The following TLN2 variants were observed in gnomAD, a reference collection of about 807,000 sequenced individuals.
The protein encoded by TLN2 is talin 2.
A neutral mutation model predicts 294.7 loss-of-function variants in TLN2; 118 were observed. That is an observed-to-expected ratio of 0.40 (90% CI 0.34 to 0.47). The LOEUF is 0.47. TLN2 is among the 20% of genes least tolerant of loss of function. TLN2 has a pLI of 0.84. For synonymous variants in TLN2, 1,431 were observed against 1,304.5 expected, an observed-to-expected ratio of 1.10 and a Z score of -2.09; for missense variants, 3,083 against 3,282.2, an observed-to-expected ratio of 0.94 and a Z score of 1.48.
intron 43 of TLN2, among the ~76,000 whole-genome samples, chr15:62,778,068 A>C (rs2063844284): frequency 6.6e-6 from 1 of 152,240 alleles, no homozygotes. Context: ...TTAATTGCTA[A>C]TTTAGAGAAG....
At chr15:62,497,759 T>G (rs1204292287) in intron 1 of TLN2, among the ~76,000 whole-genome samples, 1 of 152,160 alleles carries the variant, frequency 6.6e-6, no homozygotes, top group Non-Finnish European at 1.5e-5. Context: ...GAAGATACAT[T>G]TATAGCTCTA....
At chr15:62,790,304 G>A (rs6494361) in intron 45 of TLN2, among the ~76,000 whole-genome samples, 125,298 of 152,158 alleles carry the variant, frequency 0.82, 52,348 homozygotes, top group Non-Finnish European at 0.9. Context: ...TCCGTTTGAC[G>A]TATTGAGATC....
intron 37 of TLN2, among the ~76,000 whole-genome samples, chr15:62,759,390 T>A (rs908081136): frequency 6.6e-6 from 1 of 152,238 alleles, no homozygotes; most frequent in Non-Finnish European, 1.5e-5. Context: ...ATGGGCTATA[T>A]GTTAATATGA....
intron 22 of TLN2, among the ~76,000 whole-genome samples, chr15:62,714,089 A>C (rs1382980879): frequency 6.6e-6 from 1 of 151,692 alleles, no homozygotes; most frequent in East Asian, 1.9e-4. Context: ...CTGTAGGGTA[A>C]ATCTAGTCCG....
At chr15:62,797,836 C>T (rs544378898) in intron 48 of TLN2, among the ~76,000 whole-genome samples, 1 of 152,282 alleles carries the variant, frequency 6.6e-6, no homozygotes, top group Admixed American at 6.5e-5. Context: ...TGAGCCTGCC[C>T]AGGCACGGGG....
intron 11 of TLN2, among the ~76,000 whole-genome samples, chr15:62,685,412 A>G (rs1487890334): frequency 2.0e-5 from 3 of 152,180 alleles, no homozygotes; most frequent in Non-Finnish European, 4.4e-5. Flanking sequence ...GGTGGTTTCT[A>G]GCTTTTCACT....
intron 5 of TLN2, among the ~76,000 whole-genome samples, chr15:62,651,357 A>T (rs571380160): frequency 1.3e-5 from 2 of 152,266 alleles, no homozygotes; most frequent in South Asian, 4.1e-4. Context: ...TTAGCACTGG[A>T]GAAAAAATTG....
chr15:62,719,104 G>A (rs982664639), intron 24 of TLN2, among the ~76,000 whole-genome samples: 1 of 152,198 alleles, frequency 6.6e-6, no homozygotes, highest in South Asian at 2.1e-4. Context: ...AGAAGGAGGT[G>A]CGGGCACAGA....
intron 1 of TLN2, among the ~76,000 whole-genome samples, chr15:62,586,705 A>G (rs182780628): frequency 1.6e-4 from 24 of 152,354 alleles, no homozygotes; most frequent in African/African-American, 5.3e-4. Context: ...TATAATGGAA[A>G]GTATTTTAAC....
At chr15:62,394,651 T>C (rs886855673) in intron 1 of TLN2, among the ~76,000 whole-genome samples, 2 of 152,196 alleles carry the variant, frequency 1.3e-5, no homozygotes, top group Non-Finnish European at 2.9e-5. Flanking sequence ...CTCTGTCAAA[T>C]TTCCCCTGCA....
At chr15:62,616,919 G>A (rs1216790266) in intron 2 of TLN2, among the ~76,000 whole-genome samples, 2 of 152,302 alleles carry the variant, frequency 1.3e-5, no homozygotes, top group Non-Finnish European at 2.9e-5. Context: ...GTTCCTGCCT[G>A]TGACTGGTGT....
intron 1 of TLN2, among the ~76,000 whole-genome samples, chr15:62,561,106 G>T (rs965642435): frequency 6.6e-6 from 1 of 152,238 alleles, no homozygotes; most frequent in African/African-American, 2.4e-5. Flanking sequence ...CAGGTTTCTG[G>T]CAGGGCTGTG....
chr15:62,695,856 T>C (rs974368869), intron 14 of TLN2, among the ~76,000 whole-genome samples: 21 of 152,242 alleles, frequency 1.4e-4, no homozygotes, highest in African/African-American at 4.8e-4. Context: ...CAGAGGACTC[T>C]GCTGTGCTTT....
At position 62,717,684 on chromosome 15, in the gene TLN2, T is replaced by G; in HGVS notation, c.2872T>G (p.Cys958Gly). Residue 958 changes from cysteine (C) to glycine (G), a missense_variant, in exon 24 of 59, where the codon TGC (cysteine) becomes GGC (glycine). Cys to Gly is a radical substitution (Grantham distance 159). Transcript: ENST00000636159. ...GGCCCAGCAGCAGCTGGTCCAGAGTTGCAAGGTGAGGTTCCAGTGCACAGA... is the reference window on the plus strand; with the variant it reads ...GGCCCAGCAGCAGCTGGTCCAGAGTGGCAAGGTGAGGTTCCAGTGCACAGA... ...PAAQQQLVQS[C>G]KAVADHIPQL... is the part of the protein sequence containing the mutation. 1 of 1,580,020 alleles carries G rather than the reference T, an allele frequency of 6.3e-7. No individual in the cohort carries two copies. Among genetic ancestry groups the G allele is most frequent in the Non-Finnish European group, 8.6e-7 (1 of 1,166,178 alleles).
chr15:62,827,498 G>C (rs1337340864), intron 54 of TLN2, among the ~76,000 whole-genome samples: 1 of 152,158 alleles, frequency 6.6e-6, no homozygotes, highest in Non-Finnish European at 1.5e-5. Flanking sequence ...CCTGGAGAAA[G>C]GGCAGCGAAG....
At chr15:62,667,471 C>T (rs944286856) in intron 9 of TLN2, among the ~76,000 whole-genome samples, 3 of 152,138 alleles carry the variant, frequency 2.0e-5, no homozygotes, top group Admixed American at 6.5e-5. Context: ...CCCCTCTGTT[C>T]CTCTACCCTG....
At chr15:62,545,360 G>C (rs2041932870) in intron 1 of TLN2, among the ~76,000 whole-genome samples, 1 of 152,158 alleles carries the variant, frequency 6.6e-6, no homozygotes, top group Non-Finnish European at 1.5e-5. Context: ...AACACAAAAA[G>C]TCCACATTTG....
chr15:62,451,959 G>A (rs191601015), intron 1 of TLN2, among the ~76,000 whole-genome samples: 1 of 145,536 alleles, frequency 6.9e-6, no homozygotes, highest in East Asian at 1.9e-4. Flanking sequence ...GTCAAAAGGG[G>A]TGTGTGTGTG....
At chr15:62,544,059 T>C (rs980694355) in intron 1 of TLN2, among the ~76,000 whole-genome samples, 4 of 152,172 alleles carry the variant, frequency 2.6e-5, no homozygotes, top group Admixed American at 1.3e-4. Flanking sequence ...TCCTGATCTC[T>C]GAGAGAGCTG....
Sources: allele counts gnomAD v4.1 joint callset (sites outside exome capture counted in the v4.1 genomes callset), GRCh38; gene constraint gnomAD v4.1.1; transcripts MANE v1.5; gene names NCBI Gene and HGNC (gene_info 2026-07-23, HGNC 2026-07-21).